The following GPC5 variants were observed in gnomAD, a reference collection of about 807,000 sequenced individuals.
GPC5 encodes glypican 5.
GPC5 carries 47 observed loss-of-function variants against 53.9 expected under a neutral mutation model. That is an observed-to-expected ratio of 0.87 (90% confidence interval 0.69 to 1.11). The LOEUF (loss-of-function observed/expected upper bound fraction) is 1.11, where lower values mean the gene tolerates loss of function less well. Among genes scored for constraint, GPC5 ranks in the 50% most tolerant of loss-of-function variants. The pLI, the probability that GPC5 is intolerant of heterozygous loss-of-function variation, is 0.00. For synonymous variants in GPC5, 286 were observed against 263.3 expected (o/e 1.09, Z -0.84); for missense variants, 748 against 713.1 (o/e 1.05, Z -0.56).
intron 2 of GPC5, among the ~76,000 whole-genome samples, chr13:91,460,630 C>T (rs1327917167): frequency 6.6e-6 from 1 of 151,982 alleles, no homozygotes; most frequent in Non-Finnish European, 1.5e-5. Context: ...TATTTCTTAT[C>T]TAATTAGAAA....
chr13:92,421,325 C>G (rs1235338367), intron 7 of GPC5, among the ~76,000 whole-genome samples: 1 of 152,144 alleles, frequency 6.6e-6, no homozygotes, highest in Non-Finnish European at 1.5e-5. Flanking sequence ...TGTCACAAAT[C>G]AGACGGGAGA....
At chr13:91,534,723 A>G (rs372503329) in intron 2 of GPC5, among the ~76,000 whole-genome samples, 68 of 152,326 alleles carry the variant, frequency 4.5e-4, no homozygotes, top group African/African-American at 1.6e-3. Context: ...TATCTAACAC[A>G]TCACTGAATC....
At chr13:92,683,049 G>A (rs1887154955) in intron 7 of GPC5, among the ~76,000 whole-genome samples, 2 of 152,132 alleles carry the variant, frequency 1.3e-5, no homozygotes, top group Non-Finnish European at 2.9e-5. Context: ...CTGGCCCTGG[G>A]AGTGTTGACT....
In GPC5 at chr13:92,532,743, C is replaced by G. The variant is rs1881605172; in HGVS notation, c.1562-333539C>G. Reference sequence around the variant, plus strand: ...ACTGGGGTTTCAGGTCCAAACCTCTCCATTGCTTATTCATATTTTCAAGAG... The same window carrying G: ...ACTGGGGTTTCAGGTCCAAACCTCTGCATTGCTTATTCATATTTTCAAGAG... On this transcript the variant is annotated intron_variant, in intron 7 of 7. Transcript: ENST00000377067. 2.0e-5 allele frequency among the ~76,000 whole-genome samples: 3 copies of G among 152,110 alleles called. No homozygotes were observed. The South Asian group carries it at 6.2e-4, about 32-fold the overall frequency.
chr13:92,510,319 A>T (rs1223769878), intron 7 of GPC5, among the ~76,000 whole-genome samples: 1 of 152,162 alleles, frequency 6.6e-6, no homozygotes, highest in Non-Finnish European at 1.5e-5. Context: ...GGGATGTCAA[A>T]ATGTCTACCA....
chr13:92,153,138 C>T (rs2041919292), intron 7 of GPC5, among the ~76,000 whole-genome samples: 1 of 151,998 alleles, frequency 6.6e-6, no homozygotes, highest in African/African-American at 2.4e-5. Flanking sequence ...TTCTCTTTTG[C>T]TTTCTTTCTT....
intron 7 of GPC5, among the ~76,000 whole-genome samples, chr13:92,712,570 T>C (rs558988644): frequency 6.6e-6 from 1 of 152,152 alleles, no homozygotes; most frequent in Non-Finnish European, 1.5e-5. Flanking sequence ...AAAATGAAAC[T>C]GATAAATTGT....
At chr13:92,863,263 C>T (rs1408819209) in intron 7 of GPC5, among the ~76,000 whole-genome samples, 1 of 152,162 alleles carries the variant, frequency 6.6e-6, no homozygotes. Context: ...TTGATCTTGG[C>T]TCCACTGCTT....
chr13:92,340,384 G>C (rs1257579477), intron 7 of GPC5: 2 of 152,024 alleles, frequency 1.3e-5, no homozygotes, highest in Admixed American at 6.6e-5. Flanking sequence ...TCTGAAATCT[G>C]ACTGAACCTA....
intron 5 of GPC5, among the ~76,000 whole-genome samples, chr13:91,874,235 C>A (rs147474540): frequency 1.3e-5 from 2 of 152,022 alleles, no homozygotes; most frequent in Non-Finnish European, 2.9e-5. Context: ...CTTGTGTGGA[C>A]GATTAATTTT....
chr13:92,515,091 G>T (rs1880720377), intron 7 of GPC5, among the ~76,000 whole-genome samples: 1 of 152,086 alleles, frequency 6.6e-6, no homozygotes, highest in South Asian at 2.1e-4. Flanking sequence ...AGTAGTCAAG[G>T]TAAAACCAGT....
chr13:91,629,975 A>T (rs1157716666), intron 2 of GPC5, among the ~76,000 whole-genome samples: 4 of 152,052 alleles, frequency 2.6e-5, no homozygotes, highest in African/African-American at 9.7e-5. Context: ...TTTTCCAATG[A>T]TCATCTTTAT....
chr13:91,740,259 C>A (rs534702056), intron 4 of GPC5, among the ~76,000 whole-genome samples: 1 of 152,276 alleles, frequency 6.6e-6, no homozygotes, highest in South Asian at 2.1e-4. Flanking sequence ...TAAGTGAAGG[C>A]AGGATTACAG....
At chr13:92,282,162 A>C (rs2042920531) in intron 7 of GPC5, among the ~76,000 whole-genome samples, 1 of 152,366 alleles carries the variant, frequency 6.6e-6, no homozygotes, top group East Asian at 1.9e-4. Flanking sequence ...TGAAGATCAA[A>C]TGAATGAAAT....
intron 7 of GPC5, among the ~76,000 whole-genome samples, chr13:92,490,585 T>A (rs1003755174): frequency 6.6e-6 from 1 of 152,086 alleles, no homozygotes; most frequent in African/African-American, 2.4e-5. Context: ...AAAATAAACA[T>A]ATAAATGGTG....
At chr13:92,146,297 ATAT>A (rs921313233) in intron 7 of GPC5, among the ~76,000 whole-genome samples, 3 of 152,074 alleles carry the variant, frequency 2.0e-5, no homozygotes, top group African/African-American at 4.8e-5. Flanking sequence ...ATAATTAAAG[ATAT>A]TATTATGGAT....
chr13:91,621,765 A>ATATATATATG (rs1482357666), intron 2 of GPC5, among the ~76,000 whole-genome samples: 1 of 23,826 alleles, frequency 4.2e-5, no homozygotes, highest in African/African-American at 6.8e-5. Flanking sequence ...AGAACATTAT[A>ATATATATATG]TATATATATA....
At chr13:92,400,351 A>G (rs1048955916) in intron 7 of GPC5, among the ~76,000 whole-genome samples, 6 of 152,220 alleles carry the variant, frequency 3.9e-5, no homozygotes, top group African/African-American at 9.6e-5. Context: ...CAACAGCAAC[A>G]GAGGGGAAGA....
At chr13:91,781,712 C>G (rs757435545) in intron 5 of GPC5, among the ~76,000 whole-genome samples, 2 of 152,150 alleles carry the variant, frequency 1.3e-5, no homozygotes, top group Non-Finnish European at 2.9e-5. Context: ...ACTGATAAGT[C>G]GAATCCACCC....
Sources: allele counts gnomAD v4.1 joint callset (sites outside exome capture counted in the v4.1 genomes callset), GRCh38; gene constraint gnomAD v4.1.1; transcripts MANE v1.5; gene names NCBI Gene and HGNC (gene_info 2026-07-23, HGNC 2026-07-21).